NAT10: variants seen among roughly 807,000 people sequenced by gnomAD.
The protein encoded by NAT10 is RNA cytidine acetyltransferase.
NAT10 carries 109 observed loss-of-function variants against 132.2 expected under a neutral mutation model. The observed-to-expected ratio is 0.82, with a 90% CI of 0.71 to 0.97. NAT10 has a LOEUF of 0.97. Ranked by LOEUF, NAT10 falls within the 50% of genes least tolerant of loss-of-function variation. The pLI is 0.00. For synonymous variants in NAT10, 479 were observed against 478.0 expected (o/e 1.00, Z -0.03); for missense variants, 1,184 against 1,263.4 (o/e 0.94, Z 0.95).
chr11:34,134,172 G>C (rs544590489), intron 16 of NAT10, 147 bp from the exon 17 acceptor site: 61 of 671,498 alleles, frequency 9.1e-5, no homozygotes, highest in African/African-American at 6.4e-4. Context: ...TCAAAAGAGC[G>C]GGGGGAATGG....
intron 5 of NAT10, 73 bp from the exon 6 acceptor site, chr11:34,115,739 CCTTGGATAGAG>C: frequency 1.4e-6 from 2 of 1,389,084 alleles, no homozygotes; most frequent in Non-Finnish European, 2.0e-6. Context: ...GCCCATGTCT[CCTTGGATAGAG>C]CTTTGTATTT....
rs1408186822 is a variant in NAT10, at chr11:34,146,195, A to T, written c.*3A>T. 1 of 1,582,120 alleles carries T rather than the reference A, an allele frequency of 6.3e-7. No individual in the cohort carries two copies. Among genetic ancestry groups the T allele is most frequent in the Non-Finnish European group, 8.6e-7 (1 of 1,159,444 alleles). ...TGAAACTGAAGCGGAAGAAATAGTGAAGAGAAACTCGGGCATCTGTGTTTG... is the reference window on the plus strand; with the variant it reads ...TGAAACTGAAGCGGAAGAAATAGTGTAGAGAAACTCGGGCATCTGTGTTTG... On this transcript the variant is annotated 3_prime_UTR_variant, in exon 29 of 29. Transcript: ENST00000257829.
intron 3 of NAT10, among the ~76,000 whole-genome samples, chr11:34,110,662 G>A (rs1010301606): frequency 1.3e-4 from 18 of 137,372 alleles, no homozygotes; most frequent in African/African-American, 4.7e-4. Context: ...AACTGATTTA[G>A]CATGTTTATC....
At chr11:34,119,149 G>C (rs1490849270) in intron 8 of NAT10, among the ~76,000 whole-genome samples, 1 of 152,238 alleles carries the variant, frequency 6.6e-6, no homozygotes, top group Non-Finnish European at 1.5e-5. Context: ...CAGGCTGGGT[G>C]AGAGCTTACA....
chr11:34,137,177 A>C (rs1852232705), intron 21 of NAT10, 151 bp downstream of exon 21: 1 of 780,182 alleles, frequency 1.3e-6, no homozygotes, highest in Admixed American at 2.1e-5. Context: ...TGGACATGGA[A>C]ACAGCCATCC....
chr11:34,110,473 C>T (rs1004270769), intron 3 of NAT10, among the ~76,000 whole-genome samples: 5 of 150,970 alleles, frequency 3.3e-5, no homozygotes, highest in Admixed American at 3.3e-4. Flanking sequence ...ACTTGTCCTT[C>T]TCCTATAATG....
At chr11:34,108,396 A>G in intron 2 of NAT10, 63 bp downstream of exon 2, 2 of 1,333,322 alleles carry the variant, frequency 1.5e-6, no homozygotes, top group South Asian at 2.4e-5. Context: ...AGCATGTTTA[A>G]GCACTCTGCT....
intron 4 of NAT10, among the ~76,000 whole-genome samples, chr11:34,112,808 TG>T (rs1851718430): frequency 6.6e-6 from 1 of 152,286 alleles, no homozygotes; most frequent in African/African-American, 2.4e-5. Flanking sequence ...TGTGCATGTG[TG>T]TGTAAGCACT....
At position 34,108,080 on chromosome 11, in the gene NAT10, C is replaced by T. The variant is rs113075688; in HGVS notation, c.-15-131C>T. On this transcript the variant is annotated intron_variant, in intron 1 of 28. Coordinates refer to ENST00000257829, the MANE Select transcript of NAT10 (RefSeq NM_024662.3). ...TAGAGGCTGATGTCTTCCTGTGGAG[C>T]TCGTAGAGGGTTAAGTAAGACAATA... The T allele has an allele frequency of 5.6e-5, 33 of 594,332 alleles. No individual in the cohort carries two copies. The African/African-American group carries it at 5.7e-4, about 10-fold the overall frequency. The allele number at this position is 594,332 out of a possible 1,614,324, so 36.8% of individuals were successfully genotyped here. A position where few individuals can be genotyped will look rare whatever the true frequency, so the allele number is the denominator to read the frequency against.
At chr11:34,121,214 G>T (rs191837743) in intron 8 of NAT10, among the ~76,000 whole-genome samples, 1 of 152,186 alleles carries the variant, frequency 6.6e-6, no homozygotes, top group Non-Finnish European at 1.5e-5. Flanking sequence ...TCGTCTGGCT[G>T]CTGTGTTGAA....
At position 34,139,406 on chromosome 11, in the gene NAT10, C is replaced by T. The variant is rs747948775; in HGVS notation, c.2330C>T (p.Ala777Val). The change falls in exon 23 of 29, where the codon GCC becomes GTC. Residue 777 changes from alanine (A) to valine (V), a missense_variant. Physicochemically the swap from Ala to Val is moderately conservative, Grantham distance 64. Coordinates refer to ENST00000257829, the MANE Select transcript of NAT10 (RefSeq NM_024662.3). ...FWKDFRRRFL[A>V]LLSYQFSTFS... ...ACAGATTTCCGACGGCGGTTCCTAGCCTTGCTCTCCTACCAGTTCAGTACC... is the reference window on the plus strand; with the variant it reads ...ACAGATTTCCGACGGCGGTTCCTAGTCTTGCTCTCCTACCAGTTCAGTACC... 1.9e-6 allele frequency: 3 copies of T among 1,614,058 alleles called. No individual in the cohort carries two copies. Among genetic ancestry groups the T allele is most frequent in the Non-Finnish European group, 2.5e-6 (3 of 1,180,038 alleles).
intron 6 of NAT10, among the ~76,000 whole-genome samples, chr11:34,116,602 AT>A (rs1851787979): frequency 6.7e-6 from 1 of 148,332 alleles, no homozygotes; most frequent in African/African-American, 2.5e-5. Context: ...TATTATTATT[AT>A]TATTTTTTTG....
intron 28 of NAT10, among the ~76,000 whole-genome samples, chr11:34,144,414 T>A (rs1333648471): frequency 6.6e-6 from 1 of 152,246 alleles, no homozygotes; most frequent in Non-Finnish European, 1.5e-5. Flanking sequence ...TGTTTTACAT[T>A]TACATTTTTG....
At chr11:34,140,729 C>T (rs1852311344) in intron 24 of NAT10, among the ~76,000 whole-genome samples, 157 bp downstream of exon 24, 1 of 152,086 alleles carries the variant, frequency 6.6e-6, no homozygotes. Context: ...GGTCAGGAAA[C>T]CTGGGCTCTG....
chr11:34,142,667 T>C (rs1429385786), intron 27 of NAT10, among the ~76,000 whole-genome samples: 2 of 152,216 alleles, frequency 1.3e-5, no homozygotes, highest in Non-Finnish European at 2.9e-5. Context: ...TTACTTACTC[T>C]ATTTGGCTTT....
rs1336279482 is a variant in NAT10, at chr11:34,122,667, A to G, written c.914+75A>G. ...TAGTGTGCAGGGTTGGGGTCAGAGG[A>G]CTGGTATCTCACGTTCCTAGTTCTG... On this transcript the variant is annotated intron_variant, in intron 9 of 28. Coordinates refer to ENST00000257829, the MANE Select transcript of NAT10 (RefSeq NM_024662.3). The G allele has an allele frequency of 3.2e-6, 5 of 1,566,596 alleles. No individual in the cohort carries two copies. The East Asian group carries it at 6.8e-5, about 21-fold the overall frequency.
intron 10 of NAT10, 29 bp from the exon 11 acceptor site, chr11:34,124,273 A>G (rs751878209): frequency 2.7e-6 from 4 of 1,465,412 alleles, no homozygotes; most frequent in Non-Finnish European, 2.9e-6. Context: ...TTGTTTCTAA[A>G]GTTTGTCATT....
intron 13 of NAT10, among the ~76,000 whole-genome samples, 153 bp downstream of exon 13, chr11:34,131,090 G>T (rs1476610856): frequency 6.6e-6 from 1 of 152,074 alleles, no homozygotes; most frequent in Non-Finnish European, 1.5e-5. Context: ...AGCTTTTTTC[G>T]GAGGAACAGC....
intron 19 of NAT10, 35 bp from the exon 20 acceptor site, chr11:34,136,607 G>A: frequency 6.2e-7 from 1 of 1,613,864 alleles, no homozygotes; most frequent in South Asian, 1.1e-5. Flanking sequence ...TCCCTCTGCT[G>A]AATGGACTGT....
Sources: allele counts gnomAD v4.1 joint callset (sites outside exome capture counted in the v4.1 genomes callset), GRCh38; gene constraint gnomAD v4.1.1; transcripts MANE v1.5; gene names NCBI Gene and HGNC (gene_info 2026-07-23, HGNC 2026-07-21).